STX8: variants seen among roughly 807,000 people sequenced by gnomAD.
STX8 encodes the protein syntaxin-8.
Under a neutral mutation model 37.5 loss-of-function variants are expected in STX8, and 23 were observed. The observed-to-expected ratio is 0.61, with a 90% confidence interval of 0.44 to 0.87. STX8 has a LOEUF of 0.87. Among genes scored for constraint, STX8 ranks in the 40% least tolerant of loss-of-function variants. The pLI is 0.00. For missense variants in STX8, 313 were observed against 284.7 expected, an observed-to-expected ratio of 1.10 and a Z score of -0.71; for synonymous variants, 115 against 99.1, an observed-to-expected ratio of 1.16 and a Z score of -0.95.
intron 7 of STX8, among the ~76,000 whole-genome samples, chr17:9,299,777 C>T (rs1219430544): frequency 6.6e-6 from 1 of 152,138 alleles, no homozygotes; most frequent in Non-Finnish European, 1.5e-5. Context: ...CATACCACTT[C>T]CTGCTTCCAG....
intron 4 of STX8, among the ~76,000 whole-genome samples, chr17:9,518,737 G>A (rs1176401061): frequency 6.6e-6 from 1 of 151,992 alleles, no homozygotes; most frequent in Non-Finnish European, 1.5e-5. Context: ...GCGTAGTGGT[G>A]GGCGCCTGCA....
At chr17:9,341,462 G>A (rs1910354319) in intron 7 of STX8, among the ~76,000 whole-genome samples, 1 of 152,170 alleles carries the variant, frequency 6.6e-6, no homozygotes, top group Admixed American at 6.5e-5. Context: ...TTTTGAGACA[G>A]AGTCTTGCTC....
At chr17:9,532,155 T>C (rs992718371) in intron 4 of STX8, among the ~76,000 whole-genome samples, 95 of 148,468 alleles carry the variant, frequency 6.4e-4, no homozygotes, top group African/African-American at 2.2e-3. Flanking sequence ...TCCTATCCCA[T>C]GGTGAGGGAA....
chr17:9,296,367 G>A (rs1189178241), intron 7 of STX8, among the ~76,000 whole-genome samples: 4 of 151,918 alleles, frequency 2.6e-5, no homozygotes, highest in South Asian at 2.1e-4. Context: ...GCGTGGTGGT[G>A]CGTGCCTGTA....
At chr17:9,575,766 C>G in intron 1 of STX8, 26 bp downstream of exon 1, 20 of 1,546,420 alleles carry the variant, frequency 1.3e-5, no homozygotes, top group Non-Finnish European at 1.7e-5. Context: ...TCCCTCCACG[C>G]ACCGCCGCCC....
chr17:9,474,146 G>A lies in STX8; in HGVS notation c.541+17683C>T, dbSNP rs60742229. 7.3e-3 allele frequency among the ~76,000 whole-genome samples: 1,113 copies of A among 151,956 alleles called. 13 individuals are homozygous for A. Among genetic ancestry groups the A allele is most frequent in the African/African-American group, 0.025 (1,045 of 41,290 alleles). On this transcript the variant is annotated intron_variant, in intron 6 of 7. Coordinates refer to ENST00000306357, the MANE Select transcript of STX8 (RefSeq NM_004853.3). ...TGCTGGGGCAGGAGTTGGGGGACAAGGAGAGGGTGATACATGGAGAGGGTG... is the reference window on the plus strand; with the variant it reads ...TGCTGGGGCAGGAGTTGGGGGACAAAGAGAGGGTGATACATGGAGAGGGTG...
At position 9,545,290 on chromosome 17, in the gene STX8, T is replaced by A. The variant is rs1356575726; in HGVS notation, c.213-8A>T. On this transcript the variant is annotated splice_polypyrimidine_tract_variant and splice_region_variant and intron_variant, in intron 3 of 7. Transcript: ENST00000306357. The stretch of plus-strand genomic sequence containing the variant: ...TCCCCTTCAAGCTGTGTTCTGCAGA[T>A]ATCTTGTTAAGGTTCAATGGTGAAT... 4.4e-6 allele frequency: 7 copies of A among 1,600,660 alleles called. No homozygotes were observed. The African/African-American group carries it at 9.4e-5, about 21-fold the overall frequency.
intron 7 of STX8, among the ~76,000 whole-genome samples, chr17:9,318,635 A>C (rs1382454907): frequency 3.3e-5 from 5 of 152,052 alleles, no homozygotes; most frequent in African/African-American, 1.2e-4. Context: ...CTCGTGTCAG[A>C]GTTCTCATCA....
chr17:9,512,313 G>A (rs1176417016), intron 4 of STX8, among the ~76,000 whole-genome samples: 11 of 152,098 alleles, frequency 7.2e-5, no homozygotes, highest in Admixed American at 7.2e-4. Context: ...CAAAGCTGGA[G>A]GCATCACACT....
At chr17:9,301,832 T>C (rs980853302) in intron 7 of STX8, among the ~76,000 whole-genome samples, 2 of 152,156 alleles carry the variant, frequency 1.3e-5, no homozygotes, top group African/African-American at 4.8e-5. Context: ...ATTTTGCTAT[T>C]GTTTTAGGTA....
At chr17:9,380,709 CT>C (rs776433325) in intron 6 of STX8, among the ~76,000 whole-genome samples, 2,462 of 98,482 alleles carry the variant, frequency 0.025, 62 homozygotes, top group African/African-American at 0.092. Flanking sequence ...GATACAGAAA[CT>C]TTTTTTTTTT....
intron 1 of STX8, among the ~76,000 whole-genome samples, chr17:9,571,168 A>G (rs547804227): frequency 6.6e-6 from 1 of 152,198 alleles, no homozygotes; most frequent in Non-Finnish European, 1.5e-5. Flanking sequence ...AAATGCACAC[A>G]GCTAGCACAA....
chr17:9,426,101 G>A (rs151242421), intron 6 of STX8, among the ~76,000 whole-genome samples: 72 of 152,264 alleles, frequency 4.7e-4, no homozygotes, highest in African/African-American at 8.7e-4. Flanking sequence ...GCCCAAAAAT[G>A]CTGAATTTCA....
At chr17:9,351,392 C>T (rs1335508608) in intron 7 of STX8, among the ~76,000 whole-genome samples, 2 of 151,632 alleles carry the variant, frequency 1.3e-5, no homozygotes, top group East Asian at 3.9e-4. Flanking sequence ...CTCCTGACCT[C>T]GTGATCTGCC....
chr17:9,291,034 C>T lies in STX8; in HGVS notation c.644-40389G>A, dbSNP rs183985438. ...TGAGGATCCAGAAGTAGAATCAACC[C>T]GAACAAATATTACTGTCAACCAAAT... On this transcript the variant is annotated intron_variant, in intron 7 of 7. Coordinates refer to ENST00000306357, the MANE Select transcript of STX8 (RefSeq NM_004853.3). Among the ~76,000 whole-genome samples, 681 of 152,234 alleles carry T rather than the reference C, an allele frequency of 4.5e-3. 4 individuals carry two copies. The highest frequency in any genetic ancestry group is 7.7e-3 in the Non-Finnish European group (524 of 68,014).
At chr17:9,354,742 C>A (rs192221031) in intron 7 of STX8, among the ~76,000 whole-genome samples, 13 of 152,262 alleles carry the variant, frequency 8.5e-5, no homozygotes. Flanking sequence ...ATCTCATAAC[C>A]TTCAGCAATC....
intron 4 of STX8, among the ~76,000 whole-genome samples, chr17:9,543,285 G>C (rs1372700431): frequency 8.2e-6 from 1 of 121,894 alleles, no homozygotes; most frequent in Non-Finnish European, 1.6e-5. Context: ...GCCCCTTCTA[G>C]AAGACAGTTT....
intron 7 of STX8, among the ~76,000 whole-genome samples, chr17:9,339,192 C>T (rs1047360171): frequency 1.3e-5 from 2 of 152,120 alleles, no homozygotes; most frequent in African/African-American, 4.8e-5. Context: ...AATCAGACAC[C>T]GCACCTCTGT....
intron 7 of STX8, among the ~76,000 whole-genome samples, chr17:9,301,514 A>G (rs1471573876): frequency 1.3e-5 from 2 of 150,662 alleles, no homozygotes; most frequent in East Asian, 3.9e-4. Context: ...ATGGAGTCTC[A>G]CTCTGTCGCC....
Sources: gnomAD v4.1 joint callset for allele counts (sites outside exome capture counted in the v4.1 genomes callset) on GRCh38, gnomAD v4.1.1 for gene constraint, MANE v1.5 for transcripts, NCBI Gene and HGNC (gene_info 2026-07-23, HGNC 2026-07-21) for gene names.